Variants in CTNNA3 observed in about 807,000 individuals in gnomAD.
CTNNA3 encodes catenin alpha-3.
CTNNA3 carries 76 observed loss-of-function variants against 95.7 expected under a neutral mutation model. The ratio of observed to expected loss-of-function variants is 0.79; its 90% CI spans 0.66 to 0.96. The LOEUF (loss-of-function observed/expected upper bound fraction) is 0.96. Ranked by LOEUF, CTNNA3 falls within the 40% of genes least tolerant of loss-of-function variation. The probability of loss-of-function intolerance (pLI) is 0.00; values close to 1 mark genes in which losing one functional copy is unlikely to be tolerated. For synonymous variants in CTNNA3, 431 were observed against 374.4 expected (o/e 1.15, Z -1.74); for missense variants, 1,191 against 1,089.8 (o/e 1.09, Z -1.31).
intron 11 of CTNNA3, among the ~76,000 whole-genome samples, chr10:66,515,277 C>CTATCTATG (rs1448352459): frequency 9.3e-5 from 14 of 151,102 alleles, no homozygotes; most frequent in Non-Finnish European, 1.9e-4. Context: ...ATCTATCTAT[C>CTATCTATG]TATCTATCTA....
At chr10:66,401,810 C>G (rs1336164457) in intron 11 of CTNNA3, among the ~76,000 whole-genome samples, 1 of 151,868 alleles carries the variant, frequency 6.6e-6, no homozygotes, top group Admixed American at 6.6e-5. Context: ...AGGTGCCCAC[C>G]ACCACACCCA....
At chr10:67,178,272 A>G (rs929949138) in intron 7 of CTNNA3, among the ~76,000 whole-genome samples, 1 of 152,128 alleles carries the variant, frequency 6.6e-6, no homozygotes, top group Admixed American at 6.5e-5. Context: ...ATACTCTAGA[A>G]ATCTAACATT....
intron 7 of CTNNA3, among the ~76,000 whole-genome samples, chr10:67,066,511 TAC>T (rs1434522710): frequency 7.3e-6 from 1 of 136,916 alleles, no homozygotes; most frequent in South Asian, 2.3e-4. Flanking sequence ...CTTTTTAAGA[TAC>T]AGTTAGTCAT....
At chr10:66,240,856 T>C (rs1031904789) in intron 13 of CTNNA3, among the ~76,000 whole-genome samples, 14 of 152,032 alleles carry the variant, frequency 9.2e-5, no homozygotes, top group African/African-American at 3.4e-4. Context: ...TTTTAAGTAA[T>C]GGAAAAACAT....
chr10:66,111,082 G>A (rs2082104057), intron 13 of CTNNA3, among the ~76,000 whole-genome samples: 1 of 152,218 alleles, frequency 6.6e-6, no homozygotes, highest in African/African-American at 2.4e-5. Context: ...AAAATCTCAT[G>A]TCGAATTGTT....
intron 11 of CTNNA3, among the ~76,000 whole-genome samples, chr10:66,463,287 C>G (rs7917556): frequency 6.6e-6 from 1 of 151,866 alleles, no homozygotes; most frequent in South Asian, 2.1e-4. Context: ...CCTTTGAGAA[C>G]GGATTGTTAA....
chr10:66,369,286 A>T (rs1221206532), intron 12 of CTNNA3, among the ~76,000 whole-genome samples: 1 of 152,144 alleles, frequency 6.6e-6, no homozygotes, highest in Non-Finnish European at 1.5e-5. Context: ...ATGGCTTGGC[A>T]CACAGTGGAA....
chr10:66,235,687 G>C (rs1305339339), intron 13 of CTNNA3, among the ~76,000 whole-genome samples: 1 of 152,012 alleles, frequency 6.6e-6, no homozygotes, highest in Non-Finnish European at 1.5e-5. Context: ...AAGTAAATAA[G>C]AAAATAGATC....
chr10:66,081,619 T>C (rs1347037376), intron 14 of CTNNA3, among the ~76,000 whole-genome samples: 2 of 152,150 alleles, frequency 1.3e-5, no homozygotes, highest in Non-Finnish European at 2.9e-5. Flanking sequence ...GTGATATAAA[T>C]AAATAATTGA....
At chr10:66,200,901 A>G (rs1208333117) in intron 13 of CTNNA3, among the ~76,000 whole-genome samples, 1 of 152,184 alleles carries the variant, frequency 6.6e-6, no homozygotes, top group East Asian at 1.9e-4. Flanking sequence ...AAATCAGCCT[A>G]TCTTCTCATG....
chr10:67,285,933 T>C (rs1411629529), intron 5 of CTNNA3, among the ~76,000 whole-genome samples: 5 of 152,174 alleles, frequency 3.3e-5, no homozygotes, highest in South Asian at 2.1e-4. Flanking sequence ...AAGAAGAGCA[T>C]TTTTATTTTT....
intron 11 of CTNNA3, among the ~76,000 whole-genome samples, chr10:66,428,288 C>T (rs1307205873): frequency 6.6e-6 from 1 of 152,052 alleles, no homozygotes; most frequent in Non-Finnish European, 1.5e-5. Flanking sequence ...ACTTAGACTC[C>T]CACACAATGA....
chr10:67,266,277 C>G (rs1299347211), intron 5 of CTNNA3, among the ~76,000 whole-genome samples: 1 of 150,240 alleles, frequency 6.7e-6, no homozygotes, highest in Non-Finnish European at 1.5e-5. Context: ...ATGCAGTGAA[C>G]TGTATTTTTG....
At chr10:66,442,093 T>C (rs745542846) in intron 11 of CTNNA3, among the ~76,000 whole-genome samples, 4 of 152,210 alleles carry the variant, frequency 2.6e-5, no homozygotes, top group Non-Finnish European at 5.9e-5. Flanking sequence ...GCTTCTGTAT[T>C]GAACACGTAC....
intron 1 of CTNNA3, among the ~76,000 whole-genome samples, chr10:67,728,434 A>G (rs1841256798): frequency 6.7e-6 from 1 of 149,872 alleles, no homozygotes; most frequent in Non-Finnish European, 1.5e-5. Context: ...GTATATATGT[A>G]TATGTGTATA....
At chr10:67,505,751 T>G (rs781209306) in intron 5 of CTNNA3, among the ~76,000 whole-genome samples, 7 of 152,214 alleles carry the variant, frequency 4.6e-5, no homozygotes, top group Admixed American at 6.5e-5. Flanking sequence ...CATTACCTAC[T>G]TAATTGTGTA....
intron 7 of CTNNA3, among the ~76,000 whole-genome samples, chr10:66,948,009 A>G (rs1848360122): frequency 6.6e-6 from 1 of 152,238 alleles, no homozygotes; most frequent in South Asian, 2.1e-4. Flanking sequence ...GTTACTGTAT[A>G]GAATGCTGTA....
At chr10:66,468,237 A>G (rs1352967190) in intron 11 of CTNNA3, among the ~76,000 whole-genome samples, 1 of 152,004 alleles carries the variant, frequency 6.6e-6, no homozygotes, top group African/African-American at 2.4e-5. Context: ...CCGAACTCCC[A>G]AAAGAAAAAG....
intron 7 of CTNNA3, among the ~76,000 whole-genome samples, chr10:66,971,690 G>A (rs976245206): frequency 1.3e-5 from 2 of 152,000 alleles, no homozygotes; most frequent in Non-Finnish European, 2.9e-5. Context: ...AACAGGTAAG[G>A]GTATAAACCA....
Sources: gnomAD v4.1 joint callset for allele counts (sites outside exome capture counted in the v4.1 genomes callset) on GRCh38, gnomAD v4.1.1 for gene constraint, MANE v1.5 for transcripts, NCBI Gene and HGNC (gene_info 2026-07-23, HGNC 2026-07-21) for gene names.